CAPN8: variants seen among roughly 807,000 people sequenced by gnomAD.
CAPN8 encodes calpain-8.
In CAPN8, 87 loss-of-function variants were observed where a neutral mutation model predicts 80.9. That is an observed-to-expected ratio of 1.07 (90% CI 0.90 to 1.28). The LOEUF is 1.28. CAPN8 is among the 50% of genes most tolerant of loss of function. The probability of loss-of-function intolerance (pLI) is 0.00; values close to 1 mark genes in which losing one functional copy is unlikely to be tolerated. For missense variants in CAPN8, 757 were observed against 702.0 expected (o/e 1.08, Z -0.89); for synonymous variants, 299 against 273.8 (o/e 1.09, Z -0.91).
At chr1:223,649,851 C>T (rs1214590467) in intron 2 of CAPN8, among the ~76,000 whole-genome samples, 1 of 152,198 alleles carries the variant, frequency 6.6e-6, no homozygotes, top group Non-Finnish European at 1.5e-5. Flanking sequence ...ATGTGTAAGA[C>T]AGTCTCATGG....
chr1:223,647,028 A>G (rs1272434624), intron 2 of CAPN8, among the ~76,000 whole-genome samples: 4 of 151,796 alleles, frequency 2.6e-5, no homozygotes, highest in African/African-American at 9.7e-5. Flanking sequence ...ACCTCTCATA[A>G]GGTTCAGGGG....
intron 9 of CAPN8, chr1:223,616,796 G>A (rs1657202849): frequency 6.6e-6 from 1 of 152,252 alleles, no homozygotes; most frequent in Admixed American, 6.5e-5. Flanking sequence ...GCCCACTGAT[G>A]AGACACACTT....
intron 19 of CAPN8, 86 bp downstream of exon 19, chr1:223,543,980 AT>A: frequency 3.0e-6 from 2 of 674,270 alleles, no homozygotes; most frequent in Non-Finnish European, 5.5e-6. Flanking sequence ...CCTAAAGGCA[AT>A]GTCTGGTTCT....
At chr1:223,642,537 T>G in intron 2 of CAPN8, 1 of 284,992 alleles carries the variant, frequency 3.5e-6, no homozygotes, top group Non-Finnish European at 6.9e-6. Flanking sequence ...ACATTTGGCA[T>G]TTGGCCGAGG....
rs1656478317 is a variant in CAPN8 at position 223,542,003 on chromosome 1, A to G, written c.2089-144T>C. On this transcript the variant is annotated intron_variant, in intron 20 of 20. Transcript: ENST00000366872. ...CCTTGCTCAAACATGGGAAGCAAGGAAGGCTTTCACTATATCACTAACTCC... is the reference window on the plus strand; with the variant it reads ...CCTTGCTCAAACATGGGAAGCAAGGGAGGCTTTCACTATATCACTAACTCC... 9 of 1,359,792 alleles carry G rather than the reference A, an allele frequency of 6.6e-6. No individual in the cohort carries two copies. The South Asian group carries it at 1.0e-4, about 16-fold the overall frequency. The allele number at this position is 1,359,792 out of a possible 1,614,324, so 84.2% of individuals were successfully genotyped here.
In CAPN8 at chr1:223,628,742, G is replaced by C. The variant is rs982225560; in HGVS notation, c.346C>G (p.Leu116Val). Reference protein sequence around the residue: ...WLLAAIASLTLNEELLYRVVP... With the variant: ...WLLAAIASLTVNEELLYRVVP... ...ACCCGGTAAAGCAGCTCTTCATTCA[G>C]GGTCAGGGAGGCAATGGCAGCCAGA... Residue 116 changes from leucine to valine, a missense_variant, in exon 3 of 21, where the codon CTG becomes GTG. Transcript: ENST00000366872. 1 of 1,553,760 alleles carries C rather than the reference G, an allele frequency of 6.4e-7. No homozygotes were observed. The highest frequency in any genetic ancestry group is 8.7e-7 in the Non-Finnish European group (1 of 1,148,280).
intron 9 of CAPN8, 118 bp from the exon 10 acceptor site, chr1:223,616,263 T>C (rs1321460258): frequency 8.3e-7 from 1 of 1,198,400 alleles, no homozygotes; most frequent in Non-Finnish European, 1.1e-6. Flanking sequence ...ATCCAAACTG[T>C]GCCTAGTAAG....
At chr1:223,613,664 C>A (rs1004189823) in intron 10 of CAPN8, among the ~76,000 whole-genome samples, 1 of 152,228 alleles carries the variant, frequency 6.6e-6, no homozygotes, top group African/African-American at 2.4e-5. Context: ...GGCATCACTG[C>A]AGGAAGATAG....
At chr1:223,548,461 C>A (rs1220430122) in intron 16 of CAPN8, among the ~76,000 whole-genome samples, 7 of 152,166 alleles carry the variant, frequency 4.6e-5, no homozygotes, top group Non-Finnish European at 1.0e-4. Flanking sequence ...GAAACCCAAT[C>A]CTCATGTGAG....
At chr1:223,656,685 T>G (rs796167749) in intron 1 of CAPN8, among the ~76,000 whole-genome samples, 26,366 of 130,270 alleles carry the variant, frequency 0.2, 3,612 homozygotes, top group East Asian at 0.35. Context: ...TGTTTTGTTT[T>G]TTTTTTTTTT....
intron 16 of CAPN8, among the ~76,000 whole-genome samples, chr1:223,548,956 G>C (rs61825160): frequency 2.0e-5 from 3 of 150,020 alleles, no homozygotes; most frequent in Non-Finnish European, 4.4e-5. Context: ...GGGTGGGGAC[G>C]GGTAGAATTG....
rs1214309370 is a variant in CAPN8 at position 223,665,687 on chromosome 1, A to C, written c.-41T>G. ...AGGGTGGACAGAAGGGCAGGGCTGC[A>C]CTGTACTCTCAGACACCTGCTCCAC... is the stretch of plus-strand genomic sequence containing the variant. On this transcript the variant is annotated 5_prime_UTR_variant, in exon 1 of 21. Transcript: ENST00000366872. The C allele has an allele frequency of 6.7e-7, 1 of 1,487,218 alleles. No homozygotes were observed. The highest frequency in any genetic ancestry group is 1.2e-5 in the South Asian group (1 of 82,554). The allele number at this position is 1,487,218 out of a possible 1,614,324, so 92.1% of individuals were successfully genotyped here. A position where few individuals can be genotyped will look rare whatever the true frequency, so the allele number is the denominator to read the frequency against.
chr1:223,641,703 C>G (rs1658047426), intron 2 of CAPN8, among the ~76,000 whole-genome samples: 1 of 152,220 alleles, frequency 6.6e-6, no homozygotes, highest in South Asian at 2.1e-4. Flanking sequence ...CAAGTCCCCG[C>G]CCCAGTGCTA....
intron 9 of CAPN8, chr1:223,618,034 C>G (rs1657253697): frequency 1.8e-6 from 1 of 570,152 alleles, no homozygotes. Context: ...AATGCTGCTT[C>G]CCTAGCACCG....
intron 1 of CAPN8, among the ~76,000 whole-genome samples, chr1:223,658,614 C>T (rs2102739351): frequency 6.6e-6 from 1 of 152,146 alleles, no homozygotes; most frequent in East Asian, 1.9e-4. Flanking sequence ...ACCAGCCCAG[C>T]CAACGTGGTG....
chr1:223,548,326 C>T (rs1314419499), intron 16 of CAPN8, among the ~76,000 whole-genome samples: 5 of 152,182 alleles, frequency 3.3e-5, no homozygotes, highest in Non-Finnish European at 5.9e-5. Context: ...CACCACTCAC[C>T]CTCTGTGCCT....
intron 10 of CAPN8, among the ~76,000 whole-genome samples, chr1:223,614,270 C>T (rs138849212): frequency 1.3e-3 from 193 of 152,182 alleles, no homozygotes; most frequent in African/African-American, 4.2e-3. Flanking sequence ...TGTGGTGGCA[C>T]GCACCTGTAA....
In CAPN8 at chr1:223,625,942, GC is replaced by G. The variant is rs569384122; in HGVS notation, c.730-55del. 1.1e-4 allele frequency: 148 copies of G among 1,400,286 alleles called. 1 individual carries two copies. In the Admixed American group the frequency reaches 1.8e-3, roughly 17 times the overall value. 86.7% of individuals were successfully genotyped at this position (1,400,286 alleles called of 1,614,324 possible). On this transcript the variant is annotated intron_variant, in intron 5 of 20. Transcript: ENST00000366872. The stretch of plus-strand genomic sequence containing the variant: ...GCTGACCCTGACCTCTCAGGGGCCG[GC>G]CGTAGAATGCTTTCCAAGGACACAC...
At chr1:223,623,855 C>A (rs954374618) in intron 6 of CAPN8, among the ~76,000 whole-genome samples, 3 of 152,014 alleles carry the variant, frequency 2.0e-5, no homozygotes, top group Non-Finnish European at 2.9e-5. Flanking sequence ...AAATAATTAG[C>A]TGGGCGTGGT....
Sources: allele counts gnomAD v4.1 joint callset (sites outside exome capture counted in the v4.1 genomes callset), GRCh38; gene constraint gnomAD v4.1.1; transcripts MANE v1.5; gene names NCBI Gene and HGNC (gene_info 2026-07-23, HGNC 2026-07-21).